The following TMEM132C variants were observed in gnomAD, a reference collection of about 807,000 sequenced individuals.
TMEM132C encodes the protein transmembrane protein 132C, also known as protein phosphatase 1, regulatory subunit 152.
TMEM132C carries 29 observed loss-of-function variants against 61.4 expected under a neutral mutation model. That is an observed-to-expected ratio of 0.47 (90% CI 0.35 to 0.64). The LOEUF (loss-of-function observed/expected upper bound fraction) is 0.64, where lower values mean the gene tolerates loss of function less well. Among genes scored for constraint, TMEM132C ranks in the 30% least tolerant of loss-of-function variants. TMEM132C has a pLI of 0.00. For missense variants in TMEM132C, 1,408 were observed against 1,476.9 expected (o/e 0.95, Z 0.76); for synonymous variants, 656 against 633.1 (o/e 1.04, Z -0.54).
chr12:128,314,992 G>A (rs1280780115), intron 1 of TMEM132C, among the ~76,000 whole-genome samples: 1 of 152,190 alleles, frequency 6.6e-6, no homozygotes, highest in Non-Finnish European at 1.5e-5. Context: ...GTAAATAAAT[G>A]TGAATTTCAA....
intron 1 of TMEM132C, among the ~76,000 whole-genome samples, chr12:128,279,828 A>G (rs1221102795): frequency 6.6e-6 from 1 of 152,140 alleles, no homozygotes; most frequent in Non-Finnish European, 1.5e-5. Flanking sequence ...GATAAACTAT[A>G]ACTTTGACTT....
At chr12:128,478,539 A>C (rs1185063622) in intron 2 of TMEM132C, among the ~76,000 whole-genome samples, 2 of 152,190 alleles carry the variant, frequency 1.3e-5, no homozygotes, top group Non-Finnish European at 2.9e-5. Context: ...CAATGAGTAG[A>C]GTGGAGAGTA....
At chr12:128,639,207 T>C (rs916951180) in intron 4 of TMEM132C, among the ~76,000 whole-genome samples, 20 of 150,380 alleles carry the variant, frequency 1.3e-4, no homozygotes, top group Non-Finnish European at 2.7e-4. Flanking sequence ...GGGGTGATGA[T>C]GATGGTGATG....
intron 1 of TMEM132C, among the ~76,000 whole-genome samples, chr12:128,305,767 T>C (rs1331267488): frequency 1.3e-5 from 2 of 152,144 alleles, no homozygotes; most frequent in Non-Finnish European, 2.9e-5. Context: ...TCAGAGAAAA[T>C]GGAACACTAG....
chr12:128,321,147 T>G (rs867572096), intron 1 of TMEM132C, among the ~76,000 whole-genome samples: 1 of 130,716 alleles, frequency 7.7e-6, no homozygotes, highest in East Asian at 2.3e-4. Context: ...AAAATAATAA[T>G]AATAATAATA....
At chr12:128,437,901 T>G (rs1388987341) in intron 2 of TMEM132C, 1 of 152,218 alleles carries the variant, frequency 6.6e-6, no homozygotes, top group East Asian at 1.9e-4. Context: ...CTCTTTGTGC[T>G]TTTCTTAGTA....
chr12:128,637,895 A>G (rs1043535921), intron 4 of TMEM132C, among the ~76,000 whole-genome samples: 1 of 152,236 alleles, frequency 6.6e-6, no homozygotes, highest in Non-Finnish European at 1.5e-5. Flanking sequence ...TTGCATATCT[A>G]GGTAGGAACC....
intron 3 of TMEM132C, among the ~76,000 whole-genome samples, chr12:128,553,363 A>C (rs1165174049): frequency 6.6e-6 from 1 of 152,172 alleles, no homozygotes; most frequent in Non-Finnish European, 1.5e-5. Context: ...AATCATAAAA[A>C]CATATTCAAA....
At chr12:128,531,451 T>C (rs10161295) in intron 2 of TMEM132C, among the ~76,000 whole-genome samples, 50,925 of 152,070 alleles carry the variant, frequency 0.33, 9,328 homozygotes, top group African/African-American at 0.47. Context: ...CCAGATGGAC[T>C]GGCAGTGGCT....
chr12:128,493,392 A>C (rs899384674), intron 2 of TMEM132C, among the ~76,000 whole-genome samples: 3 of 152,154 alleles, frequency 2.0e-5, no homozygotes, highest in African/African-American at 7.2e-5. Context: ...TGAAGAAAGT[A>C]ATTGGTAGCT....
At chr12:128,668,455 G>A (rs1413523029) in intron 4 of TMEM132C, among the ~76,000 whole-genome samples, 3 of 152,154 alleles carry the variant, frequency 2.0e-5, no homozygotes, top group Non-Finnish European at 2.9e-5. Context: ...AGTAATGGTT[G>A]AAGACATTCA....
chr12:128,267,286 C>A lies in TMEM132C; in HGVS notation c.-117C>A. The A allele has an allele frequency of 3.5e-6, 2 of 568,712 alleles. No individual in the cohort carries two copies. The highest frequency in any genetic ancestry group is 4.4e-6 in the Non-Finnish European group (2 of 450,954). 35.2% of individuals were successfully genotyped at this position (568,712 alleles called of 1,614,324 possible). On this transcript the variant is annotated 5_prime_UTR_variant, in exon 1 of 9. Coordinates refer to ENST00000435159, the MANE Select transcript of TMEM132C (RefSeq NM_001136103.3). Reference sequence around the variant, plus strand: ...CGGGCCTCGGACAGCAGAGACGCAGCGGGCCCGGCCGACCGGGCTGCGGGA... The same window carrying A: ...CGGGCCTCGGACAGCAGAGACGCAGAGGGCCCGGCCGACCGGGCTGCGGGA...
Position 128,605,022 on chromosome 12 carries a change from AATGGATGGATGG to A in TMEM132C, c.1122-11107_1122-11096del, listed in dbSNP as rs3044836. On this transcript the variant is annotated intron_variant, in intron 3 of 8. Transcript: ENST00000435159. The stretch of plus-strand genomic sequence containing the variant: ...TAAATGGACACATAGATAATAGATG[AATGGATGGATGG>A]ATGGATGGATGGATGGATGGATAAT... Among the ~76,000 whole-genome samples, 15 of 149,496 alleles carry A rather than the reference AATGGATGGATGG, an allele frequency of 1.0e-4. No individual in the cohort carries two copies. The South Asian group carries it at 1.7e-3, about 17-fold the overall frequency.
rs1868762752 is a variant in TMEM132C, at chr12:128,415,798, C to T, written c.974+178C>T. Among the ~76,000 whole-genome samples, 2 of 152,118 alleles carry T rather than the reference C, an allele frequency of 1.3e-5. No individual in the cohort carries two copies. The highest frequency in any genetic ancestry group is 4.1e-4 in the South Asian group (2 of 4,828). On this transcript the variant is annotated intron_variant, in intron 2 of 8. Transcript: ENST00000435159. The surrounding 1 kb of genome is among the most constrained non-coding windows in gnomAD (Gnocchi z 5.8). ...CACATGCTCTCAACAGCCCTCCTTA[C>T]ACCGTGGGTTATGGAGGGAAGAAGA... is the stretch of plus-strand genomic sequence containing the variant.
At chr12:128,379,562 T>C (rs985756489) in intron 1 of TMEM132C, among the ~76,000 whole-genome samples, 6 of 152,196 alleles carry the variant, frequency 3.9e-5, no homozygotes, top group African/African-American at 1.4e-4. Flanking sequence ...CATCTTCAGG[T>C]GGCTCCAGGT....
intron 1 of TMEM132C, among the ~76,000 whole-genome samples, chr12:128,401,860 G>T (rs528623714): frequency 7.9e-5 from 12 of 152,290 alleles, no homozygotes; most frequent in Admixed American, 4.6e-4. Context: ...TGCCAGTGGT[G>T]TTCCTCCCTC....
intron 3 of TMEM132C, among the ~76,000 whole-genome samples, chr12:128,613,567 C>G (rs750371040): frequency 7.9e-5 from 12 of 152,152 alleles, no homozygotes; most frequent in Non-Finnish European, 1.8e-4. Context: ...GATTTGCAGC[C>G]CCTAGCTTGA....
intron 3 of TMEM132C, among the ~76,000 whole-genome samples, chr12:128,569,872 C>T (rs1343489082): frequency 6.6e-6 from 1 of 152,144 alleles, no homozygotes; most frequent in Non-Finnish European, 1.5e-5. Flanking sequence ...GCCAAAATCA[C>T]AAAATACTGA....
intron 2 of TMEM132C, among the ~76,000 whole-genome samples, chr12:128,486,798 G>T (rs965121201): frequency 3.3e-5 from 5 of 151,872 alleles, no homozygotes; most frequent in African/African-American, 1.2e-4. Flanking sequence ...TCTTGGCAGA[G>T]AATTTGCAAC....
Sources: allele counts gnomAD v4.1 joint callset (sites outside exome capture counted in the v4.1 genomes callset), GRCh38; gene constraint gnomAD v4.1.1; non-coding constraint Gnocchi (gnomAD v3.1); transcripts MANE v1.5; gene names NCBI Gene and HGNC (gene_info 2026-07-23, HGNC 2026-07-21).